The following EYS variants were observed in gnomAD, a reference collection of about 807,000 sequenced individuals.
The protein encoded by EYS is EGF-like photoreceptor maintenance factor.
EYS carries 250 observed loss-of-function variants against 282.1 expected under a neutral mutation model. That is an observed-to-expected ratio of 0.89 (90% CI 0.80 to 0.98). The LOEUF is 0.98. Ranked by LOEUF, EYS falls within the 50% of genes least tolerant of loss-of-function variation. The probability of loss-of-function intolerance (pLI) is 0.00; values close to 1 mark genes in which losing one functional copy is unlikely to be tolerated. For missense variants in EYS, 4,016 were observed against 3,709.0 expected, an observed-to-expected ratio of 1.08 and a Z score of -2.15; for synonymous variants, 1,355 against 1,282.9, an observed-to-expected ratio of 1.06 and a Z score of -1.20.
intron 31 of EYS, among the ~76,000 whole-genome samples, chr6:64,107,319 G>A (rs1196392847): frequency 2.6e-5 from 3 of 115,250 alleles, no homozygotes; most frequent in East Asian, 2.5e-4. Context: ...ATATATAAAG[G>A]GGAGTTTATA....
At chr6:65,122,289 G>A (rs1775578040) in intron 12 of EYS, among the ~76,000 whole-genome samples, 1 of 152,004 alleles carries the variant, frequency 6.6e-6, no homozygotes, top group Admixed American at 6.6e-5. Context: ...ACAAAAAGGG[G>A]ATTTGCCACA....
intron 36 of EYS, among the ~76,000 whole-genome samples, chr6:63,855,676 G>C (rs1772372565): frequency 6.6e-6 from 1 of 152,138 alleles, no homozygotes; most frequent in Non-Finnish European, 1.5e-5. Context: ...ATGAAACTTA[G>C]AGTATGAGGA....
intron 12 of EYS, among the ~76,000 whole-genome samples, chr6:65,070,066 G>A (rs1233571116): frequency 1.3e-5 from 2 of 151,852 alleles, no homozygotes; most frequent in Non-Finnish European, 2.9e-5. Context: ...AAAATATGAG[G>A]TTAAAACAAT....
chr6:63,925,376 AG>A (rs1764687163), intron 35 of EYS, among the ~76,000 whole-genome samples: 1 of 152,258 alleles, frequency 6.6e-6, no homozygotes, highest in Non-Finnish European at 1.5e-5. Flanking sequence ...TACCTATCCT[AG>A]GTAGTAGAAA....
intron 8 of EYS, among the ~76,000 whole-genome samples, chr6:65,368,153 C>T (rs1764986131): frequency 6.6e-6 from 1 of 151,596 alleles, no homozygotes; most frequent in Non-Finnish European, 1.5e-5. Flanking sequence ...AACTCACTCA[C>T]TATCAGAAGA....
At chr6:64,386,080 T>C (rs536118623) in intron 29 of EYS, among the ~76,000 whole-genome samples, 1 of 152,320 alleles carries the variant, frequency 6.6e-6, no homozygotes, top group African/African-American at 2.4e-5. Context: ...ATGTTAATGA[T>C]CTTTTGTGAA....
intron 31 of EYS, among the ~76,000 whole-genome samples, chr6:64,117,885 A>AG (rs1773444060): frequency 6.6e-6 from 1 of 152,068 alleles, no homozygotes; most frequent in Admixed American, 6.5e-5. Flanking sequence ...ACATACAAAA[A>AG]TAAGTAGCAT....
chr6:64,305,748 A>T (rs966369473), intron 30 of EYS, among the ~76,000 whole-genome samples: 7 of 152,198 alleles, frequency 4.6e-5, no homozygotes, highest in African/African-American at 1.4e-4. Context: ...CTAAAAATGG[A>T]TTAAAAAGCT....
At position 65,106,402 on chromosome 6, in the gene EYS, T is replaced by G. The variant is rs546774225; in HGVS notation, c.2024-48675A>C. Among the ~76,000 whole-genome samples, 4 of 152,126 alleles carry G rather than the reference T, an allele frequency of 2.6e-5. No homozygotes were observed. The South Asian group carries it at 8.3e-4, about 32-fold the overall frequency. Reference sequence around the variant, plus strand: ...TACTTCCTTTTTCACGTAGTGCCCTTAAAAGAAGAAAACAGATGTCTTAAA... The same window carrying G: ...TACTTCCTTTTTCACGTAGTGCCCTGAAAAGAAGAAAACAGATGTCTTAAA... On this transcript the variant is annotated intron_variant, in intron 12 of 42. Transcript: ENST00000503581.
chr6:63,869,316 G>GA (rs1388257705), intron 35 of EYS, among the ~76,000 whole-genome samples: 5 of 152,046 alleles, frequency 3.3e-5, no homozygotes, highest in South Asian at 2.1e-4. Context: ...ATTTTGCAAA[G>GA]AAAAATGGAA....
In EYS at chr6:64,704,509, A is replaced by ATAATACTTATAATT. The variant is rs1491172765; in HGVS notation, c.3444-78265_3444-78264insAATTATAAGTATTA. 4.4e-5 allele frequency among the ~76,000 whole-genome samples: 3 copies of ATAATACTTATAATT among 67,550 alleles called. No individual in the cohort carries two copies. In the South Asian group the frequency reaches 1.5e-3, roughly 34 times the overall value. The allele number at this position is 67,550 out of a possible 152,430, so 44.3% of individuals were successfully genotyped here. On this transcript the variant is annotated intron_variant, in intron 22 of 42. Coordinates refer to ENST00000503581, the MANE Select transcript of EYS (RefSeq NM_001142800.2). ...ATAATTATAATATAATACTTATAAT[A>ATAATACTTATAATT]ATATTATAATTATAATACTTATAAT... is the stretch of plus-strand genomic sequence containing the variant.
chr6:63,869,351 T>TCTCTTCC (rs949768867), intron 35 of EYS, among the ~76,000 whole-genome samples: 1 of 152,118 alleles, frequency 6.6e-6, no homozygotes. Context: ...TCTCGCCTTC[T>TCTCTTCC]CTCTTCCCTC....
chr6:65,007,033 A>G (rs1279843566), intron 13 of EYS, among the ~76,000 whole-genome samples: 1 of 152,210 alleles, frequency 6.6e-6, no homozygotes, highest in Non-Finnish European at 1.5e-5. Context: ...CCCTGAGTGC[A>G]AAGGCAATGT....
chr6:64,449,124 T>C (rs190182227), intron 26 of EYS, among the ~76,000 whole-genome samples: 1 of 152,176 alleles, frequency 6.6e-6, no homozygotes, highest in African/African-American at 2.4e-5. Flanking sequence ...ATTAGACGAA[T>C]GGATAACTAG....
chr6:64,225,479 AG>A (rs1359848530), intron 31 of EYS, among the ~76,000 whole-genome samples: 1 of 152,052 alleles, frequency 6.6e-6, no homozygotes, highest in African/African-American at 2.4e-5. Context: ...AGTGTAGTAA[AG>A]GGTGGTGTAA....
chr6:63,879,958 A>G (rs1334111032), intron 35 of EYS, among the ~76,000 whole-genome samples: 10 of 152,342 alleles, frequency 6.6e-5, no homozygotes, highest in Admixed American at 5.9e-4. Context: ...CGTATTAAAT[A>G]TAGAGTTTCC....
intron 29 of EYS, among the ~76,000 whole-genome samples, chr6:64,326,877 C>T (rs1272241194): frequency 6.6e-6 from 1 of 152,092 alleles, no homozygotes; most frequent in Non-Finnish European, 1.5e-5. Context: ...AAGACCCATC[C>T]CATAAAGACA....
rs559284220 is a variant in EYS at position 65,192,412 on chromosome 6, C to T, written c.2023+103451G>A. Among the ~76,000 whole-genome samples the T allele has an allele frequency of 7.3e-5, 11 of 150,550 alleles. No homozygotes were observed. In the East Asian group the frequency reaches 2.0e-3, roughly 27 times the overall value. ...TATGCACCAAATTTTATATCTTTTT[C>T]AAGAAAAATTGTAACTTCAGCAAAA... On this transcript the variant is annotated intron_variant, in intron 12 of 42. Coordinates refer to ENST00000503581, the MANE Select transcript of EYS (RefSeq NM_001142800.2).
intron 19 of EYS, among the ~76,000 whole-genome samples, chr6:64,853,136 C>T (rs1765939856): frequency 6.6e-6 from 1 of 152,022 alleles, no homozygotes; most frequent in African/African-American, 2.4e-5. Flanking sequence ...TCCTAAAGAT[C>T]CTTTCATATA....
Sources: gnomAD v4.1 joint callset for allele counts (sites outside exome capture counted in the v4.1 genomes callset) on GRCh38, gnomAD v4.1.1 for gene constraint, MANE v1.5 for transcripts, NCBI Gene and HGNC (gene_info 2026-07-23, HGNC 2026-07-21) for gene names.